SLC2A13: variants seen among roughly 807,000 people sequenced by gnomAD.
SLC2A13 encodes the protein solute carrier family 2 member 13.
SLC2A13 carries 32 observed loss-of-function variants against 64.4 expected under a neutral mutation model. The observed-to-expected ratio is 0.50, with a 90% CI of 0.37 to 0.67. The LOEUF (loss-of-function observed/expected upper bound fraction) is 0.67, where lower values mean the gene tolerates loss of function less well. SLC2A13 is among the 30% of genes least tolerant of loss of function. SLC2A13 has a pLI of 0.00. For missense variants in SLC2A13, 743 were observed against 829.2 expected, an observed-to-expected ratio of 0.90 and a Z score of 1.28; for synonymous variants, 338 against 327.1, an observed-to-expected ratio of 1.03 and a Z score of -0.36.
At chr12:40,000,378 C>A (rs776790399) in intron 3 of SLC2A13, among the ~76,000 whole-genome samples, 1 of 152,178 alleles carries the variant, frequency 6.6e-6, no homozygotes, top group Non-Finnish European at 1.5e-5. Context: ...CTACCCTCTA[C>A]TAAATTTAAA....
Position 40,105,208 on chromosome 12 carries a change from G to A in SLC2A13, c.556+45C>T. 2 of 1,502,780 alleles carry A rather than the reference G, an allele frequency of 1.3e-6. No homozygotes were observed. The highest frequency in any genetic ancestry group is 2.1e-5 in the Admixed American group (1 of 46,524). 93.1% of individuals were successfully genotyped at this position (1,502,780 alleles called of 1,614,324 possible). ...GCACGCAACACCCAGGGTCAAGGGC[G>A]GTGACAATGGGATCCCGGGCGCCCT... On this transcript the variant is annotated intron_variant, in intron 1 of 9. Transcript: ENST00000280871. This position sits in a 1 kb window ranked among gnomAD's most constrained non-coding sequence, Gnocchi z 4.2.
intron 3 of SLC2A13, among the ~76,000 whole-genome samples, chr12:39,971,307 A>G (rs1235241498): frequency 1.3e-5 from 2 of 152,214 alleles, no homozygotes; most frequent in Non-Finnish European, 1.5e-5. Flanking sequence ...TTAGCTTACT[A>G]TAAGTGCTCA....
At chr12:40,091,045 C>CT (rs1196255347) in intron 1 of SLC2A13, among the ~76,000 whole-genome samples, 6 of 152,164 alleles carry the variant, frequency 3.9e-5, no homozygotes, top group African/African-American at 1.4e-4. Flanking sequence ...AAGCTATATG[C>CT]TATAGCCTAC....
In SLC2A13 at chr12:40,029,233, G is replaced by C. The variant is rs546413247; in HGVS notation, c.717-724C>G. ...CTCCCTCCAAGAAATAACAAAAATA[G>C]TAATGAGTATATCTATATCAAAGAT... On this transcript the variant is annotated intron_variant, in intron 2 of 9. Coordinates refer to ENST00000280871, the MANE Select transcript of SLC2A13 (RefSeq NM_052885.4). Among the ~76,000 whole-genome samples, 9 of 152,176 alleles carry C rather than the reference G, an allele frequency of 5.9e-5. No individual in the cohort carries two copies. The South Asian group carries it at 1.7e-3, about 28-fold the overall frequency.
chr12:39,914,919 G>T (rs1160896447), intron 4 of SLC2A13, among the ~76,000 whole-genome samples: 1 of 151,834 alleles, frequency 6.6e-6, no homozygotes, highest in Non-Finnish European at 1.5e-5. Context: ...TAAAATGCAC[G>T]AATTATAATG....
chr12:39,831,292 C>T (rs80071194), intron 6 of SLC2A13, among the ~76,000 whole-genome samples: 10,373 of 151,934 alleles, frequency 0.068, 494 homozygotes, highest in Admixed American at 0.087. Flanking sequence ...ACATTGAAAC[C>T]GAATCATAAA....
intron 7 of SLC2A13, among the ~76,000 whole-genome samples, chr12:39,793,102 A>C (rs1941461260): frequency 6.6e-6 from 1 of 152,214 alleles, no homozygotes; most frequent in African/African-American, 2.4e-5. Context: ...TATATGTAGA[A>C]AATCTAATGG....
In SLC2A13 at chr12:39,758,598, G is replaced by A. The variant is rs181690348; in HGVS notation, c.*1428C>T. 2 of 151,922 alleles carry A rather than the reference G, an allele frequency of 1.3e-5. No homozygotes were observed. Among genetic ancestry groups the A allele is most frequent in the Non-Finnish European group, 2.9e-5 (2 of 67,840 alleles). 9.4% of individuals were successfully genotyped at this position (151,922 alleles called of 1,614,324 possible). Reference sequence around the variant, plus strand: ...TTCTTAATAGAAAAGCAAAAATTAAGAGTTCAGTGATGAATTACCATAAAA... The same window carrying A: ...TTCTTAATAGAAAAGCAAAAATTAAAAGTTCAGTGATGAATTACCATAAAA... On this transcript the variant is annotated 3_prime_UTR_variant, in exon 10 of 10. Transcript: ENST00000280871.
chr12:39,834,203 C>G (rs1453167577), intron 6 of SLC2A13, among the ~76,000 whole-genome samples: 1 of 152,052 alleles, frequency 6.6e-6, no homozygotes, highest in Non-Finnish European at 1.5e-5. Flanking sequence ...TCTTTTGTTA[C>G]AGTAATGCCC....
intron 7 of SLC2A13, among the ~76,000 whole-genome samples, chr12:39,802,688 T>C (rs977431275): frequency 2.6e-5 from 4 of 152,168 alleles, no homozygotes; most frequent in African/African-American, 9.7e-5. Flanking sequence ...TATGTCTATG[T>C]ATACACACAT....
intron 4 of SLC2A13, chr12:39,950,456 A>G (rs546604402): frequency 1.3e-5 from 2 of 152,216 alleles, no homozygotes; most frequent in Non-Finnish European, 2.9e-5. Context: ...GGATCTTAAA[A>G]GTCTACTCTG....
At position 39,912,569 on chromosome 12, in the gene SLC2A13, T is replaced by C. The variant is rs73278619; in HGVS notation, c.1034+38688A>G. On this transcript the variant is annotated intron_variant, in intron 4 of 9. Transcript: ENST00000280871. ...TCGAGGAAGATTCAGTAGCCACAGA[T>C]TAGGGATGGATTGGGAAGAGCTCTC... 7.5e-3 allele frequency among the ~76,000 whole-genome samples: 1,136 copies of C among 152,176 alleles called. 22 individuals are homozygous for C. Among genetic ancestry groups the C allele is most frequent in the African/African-American group, 0.026 (1,082 of 41,462 alleles).
intron 4 of SLC2A13, among the ~76,000 whole-genome samples, chr12:39,890,902 G>A (rs1024248013): frequency 1.3e-5 from 2 of 151,796 alleles, no homozygotes; most frequent in African/African-American, 2.4e-5. Flanking sequence ...CTTACAAAGT[G>A]GTACATATTA....
intron 7 of SLC2A13, among the ~76,000 whole-genome samples, chr12:39,769,212 T>C (rs577430139): frequency 6.0e-4 from 91 of 152,272 alleles, no homozygotes; most frequent in African/African-American, 2.0e-3. Context: ...TTCCATAAAC[T>C]TTTGTCAACT....
chr12:39,896,552 A>C (rs897139249), intron 4 of SLC2A13, among the ~76,000 whole-genome samples: 1 of 139,846 alleles, frequency 7.2e-6, no homozygotes, highest in Non-Finnish European at 1.6e-5. Flanking sequence ...ATGTGTGTAT[A>C]CATGTATACA....
chr12:39,952,253 G>A (rs1946244400), intron 3 of SLC2A13, among the ~76,000 whole-genome samples: 1 of 152,044 alleles, frequency 6.6e-6, no homozygotes, highest in Non-Finnish European at 1.5e-5. Context: ...GCTTTAAGAG[G>A]CATTCTATAT....
At chr12:39,789,858 C>A (rs1941319793) in intron 7 of SLC2A13, among the ~76,000 whole-genome samples, 1 of 152,056 alleles carries the variant, frequency 6.6e-6, no homozygotes, top group African/African-American at 2.4e-5. Flanking sequence ...AGTGTCTATT[C>A]TTTCCCATTT....
intron 7 of SLC2A13, among the ~76,000 whole-genome samples, chr12:39,781,555 A>C (rs1012949256): frequency 6.6e-6 from 1 of 152,224 alleles, no homozygotes; most frequent in African/African-American, 2.4e-5. Flanking sequence ...ATATTGTCTC[A>C]CAGTTTTGAA....
At chr12:39,909,693 C>G (rs1272955125) in intron 4 of SLC2A13, among the ~76,000 whole-genome samples, 1 of 152,004 alleles carries the variant, frequency 6.6e-6, no homozygotes, top group Non-Finnish European at 1.5e-5. Flanking sequence ...ATTTCAGCCC[C>G]CACTAAGTGT....
Sources: gnomAD v4.1 joint callset for allele counts (sites outside exome capture counted in the v4.1 genomes callset) on GRCh38, gnomAD v4.1.1 for gene constraint, Gnocchi (gnomAD v3.1) non-coding constraint, MANE v1.5 for transcripts, NCBI Gene and HGNC (gene_info 2026-07-23, HGNC 2026-07-21) for gene names.